The following UNC5C variants were observed in gnomAD, a reference collection of about 807,000 sequenced individuals.
UNC5C encodes unc-5 netrin receptor C, also known as netrin receptor UNC5C.
In UNC5C, 47 loss-of-function variants were observed where a neutral mutation model predicts 99.8. That is an observed-to-expected ratio of 0.47 (90% confidence interval 0.37 to 0.60). The LOEUF (loss-of-function observed/expected upper bound fraction) is 0.60. Ranked by LOEUF, UNC5C falls within the 20% of genes least tolerant of loss-of-function variation. UNC5C has a pLI of 0.00. For synonymous variants in UNC5C, 487 were observed against 452.2 expected, an observed-to-expected ratio of 1.08 and a Z score of -0.98; for missense variants, 1,062 against 1,165.9, an observed-to-expected ratio of 0.91 and a Z score of 1.30.
intron 14 of UNC5C, among the ~76,000 whole-genome samples, chr4:95,171,997 G>T (rs1418655991): frequency 1.3e-5 from 2 of 149,702 alleles, no homozygotes; most frequent in Non-Finnish European, 3.0e-5. Flanking sequence ...CAGTGATGGT[G>T]AGCATTTTTT....
At chr4:95,190,673 A>G (rs1737046544) in intron 12 of UNC5C, among the ~76,000 whole-genome samples, 2 of 152,092 alleles carry the variant, frequency 1.3e-5, no homozygotes, top group African/African-American at 4.8e-5. Context: ...AGACACCCTC[A>G]AGAGTAGGTC....
chr4:95,291,855 G>A (rs543614907), intron 3 of UNC5C, among the ~76,000 whole-genome samples: 124 of 151,808 alleles, frequency 8.2e-4, no homozygotes, highest in Non-Finnish European at 1.3e-3. Context: ...ACTTATAATT[G>A]GATTAATGTG....
intron 2 of UNC5C, among the ~76,000 whole-genome samples, chr4:95,332,540 C>T (rs376103977): frequency 6.6e-6 from 1 of 151,794 alleles, no homozygotes; most frequent in Non-Finnish European, 1.5e-5. Context: ...GAAACTGGAT[C>T]CCTTCCTTAC....
intron 1 of UNC5C, among the ~76,000 whole-genome samples, chr4:95,474,849 C>G (rs1251119957): frequency 6.6e-6 from 1 of 152,070 alleles, no homozygotes; most frequent in Non-Finnish European, 1.5e-5. Flanking sequence ...GTGCTGTCTT[C>G]CAGTCACTAC....
At chr4:95,198,454 G>A (rs1737520638) in intron 12 of UNC5C, among the ~76,000 whole-genome samples, 1 of 152,198 alleles carries the variant, frequency 6.6e-6, no homozygotes, top group Non-Finnish European at 1.5e-5. Flanking sequence ...CTATGCCAGT[G>A]AATAGATAAT....
rs191581963 is a variant in UNC5C at position 95,548,042 on chromosome 4, T to A, written c.124+692A>T. Among the ~76,000 whole-genome samples the A allele has an allele frequency of 1.4e-4, 21 of 152,332 alleles. 1 individual carries two copies. The East Asian group carries it at 3.9e-3, about 28-fold the overall frequency. ...CGGTTCCCCCAGAGCTCCGGGATTT[T>A]CATTTCTACATCCCCTGGTGGGAAG... On this transcript the variant is annotated intron_variant, in intron 1 of 15. Transcript: ENST00000453304.
At chr4:95,517,518 T>A (rs1042078241) in intron 1 of UNC5C, among the ~76,000 whole-genome samples, 1 of 152,136 alleles carries the variant, frequency 6.6e-6, no homozygotes, top group African/African-American at 2.4e-5. Context: ...AAAAGGATAA[T>A]CTTATTGAAA....
intron 4 of UNC5C, among the ~76,000 whole-genome samples, chr4:95,268,005 A>G (rs924897500): frequency 7.6e-5 from 10 of 131,458 alleles, no homozygotes; most frequent in Admixed American, 4.2e-4. Context: ...GCTGGAGTGC[A>G]GTGGCGCGAT....
At chr4:95,363,862 C>G (rs1203515803) in intron 1 of UNC5C, among the ~76,000 whole-genome samples, 1 of 152,154 alleles carries the variant, frequency 6.6e-6, no homozygotes, top group Non-Finnish European at 1.5e-5. Flanking sequence ...AGCATCAGCC[C>G]TAGGCTTGGG....
chr4:95,330,515 T>G (rs1210347711), intron 2 of UNC5C, among the ~76,000 whole-genome samples: 1 of 152,122 alleles, frequency 6.6e-6, no homozygotes, highest in Non-Finnish European at 1.5e-5. Context: ...CTAAATGACA[T>G]CTTTTACTGC....
intron 1 of UNC5C, among the ~76,000 whole-genome samples, chr4:95,530,432 A>T (rs945630931): frequency 1.4e-4 from 22 of 152,234 alleles, no homozygotes; most frequent in Admixed American, 1.3e-4. Context: ...AAACAAACAC[A>T]AAAGTGTATT....
At chr4:95,415,815 T>C (rs1414637455) in intron 1 of UNC5C, among the ~76,000 whole-genome samples, 1 of 152,034 alleles carries the variant, frequency 6.6e-6, no homozygotes, top group East Asian at 1.9e-4. Context: ...AGTACAGGCG[T>C]TAAATGGCAA....
intron 5 of UNC5C, among the ~76,000 whole-genome samples, chr4:95,246,474 T>A (rs1739506363): frequency 1.3e-5 from 2 of 151,636 alleles, no homozygotes; most frequent in African/African-American, 4.8e-5. Context: ...GGCAGAAGGA[T>A]CCCTTGAGCC....
At chr4:95,277,552 GC>G (rs1740907739) in intron 4 of UNC5C, among the ~76,000 whole-genome samples, 1 of 152,196 alleles carries the variant, frequency 6.6e-6, no homozygotes. Flanking sequence ...GATGGTGAGT[GC>G]TTGCAATCTC....
At chr4:95,426,277 T>C (rs1426074681) in intron 1 of UNC5C, among the ~76,000 whole-genome samples, 16 of 152,376 alleles carry the variant, frequency 1.1e-4, no homozygotes. Context: ...TGATGTGCCA[T>C]GAACCACACT....
intron 1 of UNC5C, among the ~76,000 whole-genome samples, chr4:95,344,260 C>A (rs186254081): frequency 6.6e-6 from 1 of 151,990 alleles, no homozygotes; most frequent in Admixed American, 6.6e-5. Flanking sequence ...TCAGTGGAAA[C>A]TTTACAGGCC....
chr4:95,293,453 G>T (rs1235582437), intron 3 of UNC5C, among the ~76,000 whole-genome samples: 4 of 151,564 alleles, frequency 2.6e-5, no homozygotes, highest in Non-Finnish European at 5.9e-5. Context: ...TCCCAGCTGG[G>T]ATCACAGGTG....
intron 1 of UNC5C, among the ~76,000 whole-genome samples, chr4:95,484,448 C>T (rs984653455): frequency 1.3e-5 from 2 of 151,790 alleles, no homozygotes; most frequent in Admixed American, 1.3e-4. Context: ...TTCCCAACCA[C>T]TGTGTAGATG....
intron 1 of UNC5C, among the ~76,000 whole-genome samples, chr4:95,336,968 C>A (rs925423911): frequency 2.6e-5 from 4 of 151,830 alleles, no homozygotes; most frequent in Non-Finnish European, 5.9e-5. Flanking sequence ...AGTCAATATG[C>A]AAGAACATTC....
Sources: gnomAD v4.1 joint callset for allele counts (sites outside exome capture counted in the v4.1 genomes callset) on GRCh38, gnomAD v4.1.1 for gene constraint, MANE v1.5 for transcripts, NCBI Gene and HGNC (gene_info 2026-07-23, HGNC 2026-07-21) for gene names.